KIAA1328: variants seen among roughly 807,000 people sequenced by gnomAD.
KIAA1328 encodes the protein protein hinderin.
In KIAA1328, 52 loss-of-function variants were observed where a neutral mutation model predicts 68.1. The ratio of observed to expected loss-of-function variants is 0.76; its 90% CI spans 0.61 to 0.96. The LOEUF (loss-of-function observed/expected upper bound fraction) is 0.96. Ranked by LOEUF, KIAA1328 falls within the 40% of genes least tolerant of loss-of-function variation. The probability of loss-of-function intolerance (pLI) is 0.00; values close to 1 mark genes in which losing one functional copy is unlikely to be tolerated. For missense variants in KIAA1328, 641 were observed against 677.6 expected (o/e 0.95, Z 0.60); for synonymous variants, 232 against 239.4 (o/e 0.97, Z 0.28).
intron 7 of KIAA1328, among the ~76,000 whole-genome samples, chr18:37,072,008 A>C (rs1379939016): frequency 6.6e-6 from 1 of 152,198 alleles, no homozygotes; most frequent in Non-Finnish European, 1.5e-5. Context: ...AAAATATTGT[A>C]AGTTTTGCTT....
intron 9 of KIAA1328, among the ~76,000 whole-genome samples, chr18:37,219,848 A>G (rs974285631): frequency 6.6e-6 from 1 of 152,146 alleles, no homozygotes; most frequent in East Asian, 1.9e-4. Flanking sequence ...CTGTCCATCC[A>G]GTCCCAATGA....
chr18:37,099,999 A>C (rs140541134), intron 7 of KIAA1328, among the ~76,000 whole-genome samples: 2,440 of 152,272 alleles, frequency 0.016, 36 homozygotes, highest in East Asian at 0.078. Flanking sequence ...TCCTGAATGC[A>C]GCACACTGAT....
intron 6 of KIAA1328, among the ~76,000 whole-genome samples, chr18:37,028,240 A>G (rs924830099): frequency 6.6e-6 from 1 of 151,998 alleles, no homozygotes; most frequent in Non-Finnish European, 1.5e-5. Flanking sequence ...TCTTATAGAG[A>G]TCTTTTACCT....
intron 7 of KIAA1328, among the ~76,000 whole-genome samples, chr18:37,127,663 T>C (rs183008380): frequency 2.2e-3 from 332 of 152,334 alleles, no homozygotes; most frequent in Non-Finnish European, 3.5e-3. Context: ...CTCTAACAAA[T>C]TGATATGTGG....
intron 4 of KIAA1328, among the ~76,000 whole-genome samples, chr18:36,847,582 C>A (rs2047070668): frequency 6.6e-6 from 1 of 151,466 alleles, no homozygotes; most frequent in African/African-American, 2.4e-5. Flanking sequence ...AAATCTTTTT[C>A]CCCTTTTTTT....
chr18:36,987,491 A>AT (rs1468027078), intron 6 of KIAA1328, among the ~76,000 whole-genome samples: 16 of 75,426 alleles, frequency 2.1e-4, no homozygotes, highest in Admixed American at 6.9e-4. Context: ...ATAATAAAAA[A>AT]AAATAAATAA....
intron 9 of KIAA1328, among the ~76,000 whole-genome samples, chr18:37,217,701 T>C (rs1298610778): frequency 2.0e-5 from 3 of 152,186 alleles, no homozygotes; most frequent in Non-Finnish European, 4.4e-5. Flanking sequence ...TTTCCTGAAT[T>C]TGAATGTTGG....
rs1050473123 is a variant in KIAA1328 at position 36,829,180 on chromosome 18, G to A, written c.42G>A (p.Ala14=). The part of the protein sequence containing the change: ...VAGPSRPSAA[A]FWSRDFSDEE... ...GCCCCTCCCGCCCCAGTGCCGCGGC[G>A]TTCTGGAGCCGGGACTGTATCCTTT... Residue 14 remains alanine (A), a synonymous_variant, in exon 1 of 10, where the codon GCG becomes GCA. Coordinates refer to ENST00000280020, the MANE Select transcript of KIAA1328 (RefSeq NM_020776.3). The A allele has an allele frequency of 5.4e-5, 82 of 1,532,696 alleles. No homozygotes were observed. Among genetic ancestry groups the A allele is most frequent in the Non-Finnish European group, 6.7e-5 (77 of 1,142,204 alleles). The allele number at this position is 1,532,696 out of a possible 1,614,324, so 94.9% of individuals were successfully genotyped here. A position where few individuals can be genotyped will look rare whatever the true frequency, so the allele number is the denominator to read the frequency against.
At chr18:37,200,223 T>C (rs1254401932) in intron 9 of KIAA1328, among the ~76,000 whole-genome samples, 1 of 152,202 alleles carries the variant, frequency 6.6e-6, no homozygotes, top group East Asian at 1.9e-4. Flanking sequence ...GCTCCATTAC[T>C]AGTTGTTACC....
intron 4 of KIAA1328, among the ~76,000 whole-genome samples, chr18:36,882,492 G>T (rs1346022869): frequency 6.6e-6 from 1 of 152,058 alleles, no homozygotes; most frequent in Admixed American, 6.6e-5. Flanking sequence ...GTATGCTAAT[G>T]GACCACAAAG....
chr18:36,883,952 G>GTATATATATA lies in KIAA1328; in HGVS notation c.333-1596_333-1587dup, dbSNP rs58707237. ...TACAAATGCTTTCCATATTTATAAA[G>GTATATATATA]TATATATATATATATATACACACAC... On this transcript the variant is annotated intron_variant, in intron 4 of 9. Transcript: ENST00000280020. Among the ~76,000 whole-genome samples, 249 of 120,806 alleles carry GTATATATATA rather than the reference G, an allele frequency of 2.1e-3. 14 individuals are homozygous for GTATATATATA. Among genetic ancestry groups the GTATATATATA allele is most frequent in the African/African-American group, 6.6e-3 (199 of 30,360 alleles). 79.3% of individuals were successfully genotyped at this position (120,806 alleles called of 152,430 possible).
intron 5 of KIAA1328, among the ~76,000 whole-genome samples, chr18:36,933,404 T>G (rs531936449): frequency 1.3e-5 from 2 of 152,224 alleles, no homozygotes; most frequent in Non-Finnish European, 2.9e-5. Context: ...TTTCCTTTGT[T>G]AGGTGTTCCA....
chr18:37,146,807 A>G (rs943437109), intron 7 of KIAA1328, among the ~76,000 whole-genome samples: 1 of 152,136 alleles, frequency 6.6e-6, no homozygotes, highest in African/African-American at 2.4e-5. Context: ...GCTAACCTAT[A>G]TTTACTTCCC....
chr18:37,157,807 C>CAAAAAA (rs542590805), intron 7 of KIAA1328, among the ~76,000 whole-genome samples: 2 of 55,390 alleles, frequency 3.6e-5, no homozygotes, highest in Non-Finnish European at 6.6e-5. Context: ...GACTCCTCTC[C>CAAAAAA]AAAAAAAAAA....
At chr18:37,131,365 A>G (rs1413031870) in intron 7 of KIAA1328, among the ~76,000 whole-genome samples, 1 of 152,226 alleles carries the variant, frequency 6.6e-6, no homozygotes, top group African/African-American at 2.4e-5. Context: ...ATCTGAAGTC[A>G]ACCTTGTGGA....
chr18:36,831,244 T>G (rs1471370057), intron 1 of KIAA1328, among the ~76,000 whole-genome samples: 1 of 152,232 alleles, frequency 6.6e-6, no homozygotes, highest in Non-Finnish European at 1.5e-5. Context: ...GATGGAGAGA[T>G]TTCTTAGTCC....
intron 7 of KIAA1328, among the ~76,000 whole-genome samples, chr18:37,125,560 A>G (rs2058369739): frequency 6.6e-6 from 1 of 152,200 alleles, no homozygotes. Flanking sequence ...ATGAAACCCA[A>G]AGCTAGTTCT....
intron 6 of KIAA1328, among the ~76,000 whole-genome samples, chr18:36,961,573 C>T (rs1327126232): frequency 2.6e-5 from 4 of 152,120 alleles, no homozygotes; most frequent in East Asian, 1.9e-4. Context: ...AGAGAAAGGT[C>T]GGGTTACCCA....
rs542819342 is a variant in KIAA1328 at position 37,001,125 on chromosome 18, A to G, written c.576+41690A>G. 2.2e-4 allele frequency among the ~76,000 whole-genome samples: 34 copies of G among 152,152 alleles called. 1 individual carries two copies. Among genetic ancestry groups the G allele is most frequent in the South Asian group, 2.1e-3 (10 of 4,828 alleles). On this transcript the variant is annotated intron_variant, in intron 6 of 9. Coordinates refer to ENST00000280020, the MANE Select transcript of KIAA1328 (RefSeq NM_020776.3). ...GATAAACAAAATTGATAAACTGCTAACTACATTAACTAAGAAAAGATGAGA... is the reference window on the plus strand; with the variant it reads ...GATAAACAAAATTGATAAACTGCTAGCTACATTAACTAAGAAAAGATGAGA...
Sources: allele counts gnomAD v4.1 joint callset (sites outside exome capture counted in the v4.1 genomes callset), GRCh38; gene constraint gnomAD v4.1.1; transcripts MANE v1.5; gene names NCBI Gene and HGNC (gene_info 2026-07-23, HGNC 2026-07-21).